Variants in CLEC11A observed in about 807,000 individuals in gnomAD.
The protein encoded by CLEC11A is C-type lectin domain containing 11A.
In CLEC11A, 35 loss-of-function variants were observed where a neutral mutation model predicts 33.9. The observed-to-expected ratio is 1.03, with a 90% confidence interval of 0.79 to 1.37. The LOEUF is 1.37. Ranked by LOEUF, CLEC11A falls within the 40% of genes most tolerant of loss-of-function variation. The probability of loss-of-function intolerance (pLI) is 0.00; values close to 1 mark genes in which losing one functional copy is unlikely to be tolerated. For missense variants in CLEC11A, 519 were observed against 455.5 expected (o/e 1.14, Z -1.27); for synonymous variants, 220 against 202.2 (o/e 1.09, Z -0.75).
Position 50,725,313 on chromosome 19 carries a change from G to GC in CLEC11A, c.819dup (p.Ala274ArgfsTer29). On this transcript the variant is annotated frameshift_variant, in exon 4 of 4. Coordinates refer to ENST00000250340, the MANE Select transcript of CLEC11A (RefSeq NM_002975.3). LOFTEE classifies it high-confidence loss of function. Reference sequence around the variant, plus strand: ...CATCGCTCACCCCGCCCCGAGCTCGGCGCCCAGCCCAGCGCCTCGCCGCAT... The same window carrying GC: ...CATCGCTCACCCCGCCCCGAGCTCGGCCGCCCAGCCCAGCGCCTCGCCGCAT... 3 of 1,611,314 alleles carry GC rather than the reference G, an allele frequency of 1.9e-6. No homozygotes were observed. The highest frequency in any genetic ancestry group is 2.5e-6 in the Non-Finnish European group (3 of 1,178,856).
Position 50,723,418 on chromosome 19 carries a change from G to T in CLEC11A, c.-108G>T. On this transcript the variant is annotated 5_prime_UTR_variant, in exon 1 of 4. Coordinates refer to ENST00000250340, the MANE Select transcript of CLEC11A (RefSeq NM_002975.3). This position sits in a 1 kb window ranked among gnomAD's most constrained non-coding sequence, Gnocchi z 4.1. ...AGCTGGGAGAATCGGGAACCTGGGG[G>T]CTAGTGACCTGCACACAGGGCAGGG... 1.8e-6 allele frequency: 2 copies of T among 1,119,316 alleles called. No individual in the cohort carries two copies. The highest frequency in any genetic ancestry group is 2.0e-5 in the Admixed American group (1 of 50,488). 69.3% of individuals were successfully genotyped at this position (1,119,316 alleles called of 1,614,324 possible).
At position 50,724,342 on chromosome 19, in the gene CLEC11A, T is replaced by A; in HGVS notation, c.335-68T>A. ...CCTCAGGAGCCCTAGATCCCAGTTC[T>A]CCAGGTCCTCAGGCCCCCCGCTGCA... is the stretch of plus-strand genomic sequence containing the variant. On this transcript the variant is annotated intron_variant, in intron 2 of 3. Coordinates refer to ENST00000250340, the MANE Select transcript of CLEC11A (RefSeq NM_002975.3). This position sits in a 1 kb window ranked among gnomAD's most constrained non-coding sequence, Gnocchi z 4.1. The A allele has an allele frequency of 8.0e-7, 1 of 1,243,102 alleles. No homozygotes were observed. Among genetic ancestry groups the A allele is most frequent in the Non-Finnish European group, 1.1e-6 (1 of 934,608 alleles). The allele number at this position is 1,243,102 out of a possible 1,614,324, so 77.0% of individuals were successfully genotyped here.
Position 50,724,486 on chromosome 19 carries a change from C to A in CLEC11A, c.411C>A (p.Val137=). The change falls in exon 3 of 4, where the codon GTC becomes GTA. Residue 137 remains valine, a synonymous_variant. Coordinates refer to ENST00000250340, the MANE Select transcript of CLEC11A (RefSeq NM_002975.3). The surrounding 1 kb of genome is among the most constrained non-coding windows in gnomAD (Gnocchi z 4.1). ...TGCACGCGTTGGACACCCGCGTGGT[C>A]GAGCTGACCCAGGGGCTGCGGCAGC... The part of the protein sequence containing the change: ...VRLHALDTRV[V]ELTQGLRQLR... 1 of 1,577,432 alleles carries A rather than the reference C, an allele frequency of 6.3e-7. No individual in the cohort carries two copies. Among genetic ancestry groups the A allele is most frequent in the South Asian group, 1.1e-5 (1 of 88,600 alleles).
In CLEC11A at chr19:50,723,721, G is replaced by A. The variant is rs111887545; in HGVS notation, c.147+49G>A. On this transcript the variant is annotated intron_variant, in intron 1 of 3. Coordinates refer to ENST00000250340, the MANE Select transcript of CLEC11A (RefSeq NM_002975.3). This position sits in a 1 kb window ranked among gnomAD's most constrained non-coding sequence, Gnocchi z 4.1. ...CTATGGGTGGTGAACTGTGGGTCTG[G>A]GAGGGGGTATTGCAAGGTTAGGGAA... 4.4e-4 allele frequency: 669 copies of A among 1,537,312 alleles called. No homozygotes were observed. Among genetic ancestry groups the A allele is most frequent in the Admixed American group, 1.2e-3 (57 of 49,024 alleles).
Position 50,724,726 on chromosome 19 carries a change from A to C in CLEC11A, c.526+125A>C. The C allele has an allele frequency of 1.7e-6, 2 of 1,202,500 alleles. No individual in the cohort carries two copies. Among genetic ancestry groups the C allele is most frequent in the Non-Finnish European group, 2.2e-6 (2 of 914,204 alleles). The allele number at this position is 1,202,500 out of a possible 1,614,324, so 74.5% of individuals were successfully genotyped here. ...CGGGAGAGCTGCTGTGTGCTAGCGG[A>C]CGGGGTTAGAGAGCTGGGAGGCTGA... On this transcript the variant is annotated intron_variant, in intron 3 of 3. Coordinates refer to ENST00000250340, the MANE Select transcript of CLEC11A (RefSeq NM_002975.3). The surrounding 1 kb of genome is among the most constrained non-coding windows in gnomAD (Gnocchi z 4.1).
In CLEC11A at chr19:50,725,139, C is replaced by T. The variant is rs2123226199; in HGVS notation, c.644C>T (p.Ala215Val). Residue 215 changes from alanine to valine, a missense_variant, in exon 4 of 4, where the codon GCA becomes GTA. Physicochemically the swap from Ala to Val is moderately conservative, Grantham distance 64. Transcript: ENST00000250340. Reference protein sequence around the residue: ...TARGGSLAQPADRQQMEALTR... With the variant: ...TARGGSLAQPVDRQQMEALTR... ...CGGGGCGGGAGCCTGGCGCAGCCGG[C>T]AGACCGCCAGCAGATGGAGGCGCTC... is the stretch of plus-strand genomic sequence containing the variant. 4 of 1,551,172 alleles carry T rather than the reference C, an allele frequency of 2.6e-6. No homozygotes were observed. The highest frequency in any genetic ancestry group is 3.5e-6 in the Non-Finnish European group (4 of 1,149,544).
chr19:50,724,395 C>T lies in CLEC11A; in HGVS notation c.335-15C>T, dbSNP rs1488649919. 1 of 1,492,204 alleles carries T rather than the reference C, an allele frequency of 6.7e-7. No homozygotes were observed. Among genetic ancestry groups the T allele is most frequent in the African/African-American group, 1.4e-5 (1 of 70,728 alleles). The allele number at this position is 1,492,204 out of a possible 1,614,324, so 92.4% of individuals were successfully genotyped here. On this transcript the variant is annotated splice_polypyrimidine_tract_variant and intron_variant, in intron 2 of 3. Transcript: ENST00000250340. This position sits in a 1 kb window ranked among gnomAD's most constrained non-coding sequence, Gnocchi z 4.1. The stretch of plus-strand genomic sequence containing the variant: ...TCCAGGCTCCCCCTCCAGCATGATC[C>T]CTGTCTGTCCGCAGTGGGCCGCCTG...
Position 50,724,859 on chromosome 19 carries a change from ACT to A in CLEC11A, c.527-159_527-158del. On this transcript the variant is annotated intron_variant, in intron 3 of 3. Coordinates refer to ENST00000250340, the MANE Select transcript of CLEC11A (RefSeq NM_002975.3). This position sits in a 1 kb window ranked among gnomAD's most constrained non-coding sequence, Gnocchi z 4.1. Reference sequence around the variant, plus strand: ...CCTGGCCCCGCCCCTGGCGGACCAGACTCTCCACCTCCTGGCTCCCGCGGTTC... The same window carrying A: ...CCTGGCCCCGCCCCTGGCGGACCAGACTCCACCTCCTGGCTCCCGCGGTTC... The A allele has an allele frequency of 7.2e-7, 1 of 1,393,970 alleles. No homozygotes were observed. 86.4% of individuals were successfully genotyped at this position (1,393,970 alleles called of 1,614,324 possible). A position where few individuals can be genotyped will look rare whatever the true frequency, so the allele number is the denominator to read the frequency against.
Position 50,723,867 on chromosome 19 carries a change from G to T in CLEC11A, c.148-38G>T. ...GGAAAGGGGTGAATGGGGCATCTTGGTGGCAGGCTGGGGCTCACCACCCCT... is the reference window on the plus strand; with the variant it reads ...GGAAAGGGGTGAATGGGGCATCTTGTTGGCAGGCTGGGGCTCACCACCCCT... On this transcript the variant is annotated intron_variant, in intron 1 of 3. Coordinates refer to ENST00000250340, the MANE Select transcript of CLEC11A (RefSeq NM_002975.3). The surrounding 1 kb of genome is among the most constrained non-coding windows in gnomAD (Gnocchi z 4.1). The T allele has an allele frequency of 6.3e-7, 1 of 1,584,534 alleles. No individual in the cohort carries two copies. The highest frequency in any genetic ancestry group is 8.6e-7 in the Non-Finnish European group (1 of 1,166,648).
In CLEC11A at chr19:50,723,660, C is replaced by T; in HGVS notation, c.135C>T (p.Ala45=). ...AGGAGGAGGAGCGGGAGAGGGAGGC[C>T]CTGATGCTGAAGGTGAGCTCTGGAG... ...GAQEEERERE[A]LMLKHLQEAL... Residue 45 remains alanine (A), a synonymous_variant, in exon 1 of 4, where the codon GCC becomes GCT. Transcript: ENST00000250340. The surrounding 1 kb of genome is among the most constrained non-coding windows in gnomAD (Gnocchi z 4.1). 2 of 1,587,546 alleles carry T rather than the reference C, an allele frequency of 1.3e-6. No homozygotes were observed. The highest frequency in any genetic ancestry group is 2.3e-5 in the South Asian group (2 of 85,792).
At position 50,724,966 on chromosome 19, in the gene CLEC11A, CT is replaced by C; in HGVS notation, c.527-54del. ...CCCCCGGATGTTTTGTCCTCGCCCC[CT>C]TCCAGACTCTGAATGCATGACCCCG... On this transcript the variant is annotated intron_variant, in intron 3 of 3. Transcript: ENST00000250340. The surrounding 1 kb of genome is among the most constrained non-coding windows in gnomAD (Gnocchi z 4.1). The C allele has an allele frequency of 7.0e-7, 1 of 1,430,748 alleles. No homozygotes were observed. Among genetic ancestry groups the C allele is most frequent in the South Asian group, 1.5e-5 (1 of 65,660 alleles). The allele number at this position is 1,430,748 out of a possible 1,614,324, so 88.6% of individuals were successfully genotyped here. A position where few individuals can be genotyped will look rare whatever the true frequency, so the allele number is the denominator to read the frequency against.
chr19:50,723,519 CAGCT>C lies in CLEC11A; in HGVS notation c.-6_-3del. 6.2e-7 allele frequency: 1 copy of C among 1,612,106 alleles called. No individual in the cohort carries two copies. Among genetic ancestry groups the C allele is most frequent in the South Asian group, 1.1e-5 (1 of 90,986 alleles). Reference sequence around the variant, plus strand: ...TCTGGAACTTTGGGTGCCAAGAGTCCAGCTTAATGCAGGCAGCCTGGCTTTTGGG... The same window carrying C: ...TCTGGAACTTTGGGTGCCAAGAGTCCTAATGCAGGCAGCCTGGCTTTTGGG... On this transcript the variant is annotated 5_prime_UTR_variant, in exon 1 of 4. Transcript: ENST00000250340. The surrounding 1 kb of genome is among the most constrained non-coding windows in gnomAD (Gnocchi z 4.1).
In CLEC11A at chr19:50,725,351, G is replaced by A. The variant is rs1439330886; in HGVS notation, c.856G>A (p.Asp286Asn). The change falls in exon 4 of 4, where the codon GAC becomes AAC. Residue 286 changes from aspartate to asparagine, a missense_variant. Asp to Asn is a conservative substitution (Grantham distance 23). Coordinates refer to ENST00000250340, the MANE Select transcript of CLEC11A (RefSeq NM_002975.3). ...PSASPHPLSP[D>N]QPNGGTLENC... ...CGCCTCGCCGCATCCGCTCAGCCCG[G>A]ACCAGCCCAACGGTGGCACGCTCGA... is the stretch of plus-strand genomic sequence containing the variant. 1 of 1,612,152 alleles carries A rather than the reference G, an allele frequency of 6.2e-7. No homozygotes were observed. Among genetic ancestry groups the A allele is most frequent in the African/African-American group, 1.3e-5 (1 of 74,922 alleles).
chr19:50,725,045 G>C lies in CLEC11A; in HGVS notation c.550G>C (p.Gly184Arg), dbSNP rs551690322. Reference sequence around the variant, plus strand: ...AGGCTGCCTGAAGGGGCTGCGCCTGGGCCACAAGTGCTTCCTGCTCTCGCG... The same window carrying C: ...AGGCTGCCTGAAGGGGCTGCGCCTGCGCCACAAGTGCTTCCTGCTCTCGCG... The part of the protein sequence containing the change: ...LEGCLKGLRL[G>R]HKCFLLSRDF... The change falls in exon 4 of 4, where the codon GGC becomes CGC. Residue 184 changes from glycine to arginine, a missense_variant. Transcript: ENST00000250340. 2 of 1,508,470 alleles carry C rather than the reference G, an allele frequency of 1.3e-6. No homozygotes were observed. The highest frequency in any genetic ancestry group is 1.8e-6 in the Non-Finnish European group (2 of 1,131,198). 93.4% of individuals were successfully genotyped at this position (1,508,470 alleles called of 1,614,324 possible). A position where few individuals can be genotyped will look rare whatever the true frequency, so the allele number is the denominator to read the frequency against.
chr19:50,724,978 G>A lies in CLEC11A; in HGVS notation c.527-44G>A, dbSNP rs1305753639. 6 of 1,429,166 alleles carry A rather than the reference G, an allele frequency of 4.2e-6. 1 individual carries two copies. The highest frequency in any genetic ancestry group is 3.1e-5 in the Admixed American group (1 of 31,840). The allele number at this position is 1,429,166 out of a possible 1,614,324, so 88.5% of individuals were successfully genotyped here. A position where few individuals can be genotyped will look rare whatever the true frequency, so the allele number is the denominator to read the frequency against. ...TTGTCCTCGCCCCCTTCCAGACTCTGAATGCATGACCCCGCCTCCTTCTCT... is the reference window on the plus strand; with the variant it reads ...TTGTCCTCGCCCCCTTCCAGACTCTAAATGCATGACCCCGCCTCCTTCTCT... On this transcript the variant is annotated intron_variant, in intron 3 of 3. Coordinates refer to ENST00000250340, the MANE Select transcript of CLEC11A (RefSeq NM_002975.3). The surrounding 1 kb of genome is among the most constrained non-coding windows in gnomAD (Gnocchi z 4.1).
In CLEC11A at chr19:50,723,803, A is replaced by C; in HGVS notation, c.148-102A>C. The C allele has an allele frequency of 6.5e-7, 1 of 1,533,128 alleles. No homozygotes were observed. The highest frequency in any genetic ancestry group is 8.8e-7 in the Non-Finnish European group (1 of 1,140,902). The allele number at this position is 1,533,128 out of a possible 1,614,324, so 95.0% of individuals were successfully genotyped here. A position where few individuals can be genotyped will look rare whatever the true frequency, so the allele number is the denominator to read the frequency against. ...AGAGGAGTGGGAGGGTGATGGGCTC[A>C]GAGACAGGACTCAGGCAGCAGAGAA... On this transcript the variant is annotated intron_variant, in intron 1 of 3. Transcript: ENST00000250340. The surrounding 1 kb of genome is among the most constrained non-coding windows in gnomAD (Gnocchi z 4.1).
Position 50,724,538 on chromosome 19 carries a change from G to T in CLEC11A, c.463G>T (p.Asp155Tyr), listed in dbSNP as rs763608200. 2 of 1,534,362 alleles carry T rather than the reference G, an allele frequency of 1.3e-6. No homozygotes were observed. The highest frequency in any genetic ancestry group is 1.7e-6 in the Non-Finnish European group (2 of 1,146,922). ...GCGGAACGCGGCAGGCGACACCCGC[G>T]ATGCCGTGCAAGCCCTGCAGGAGGC... ...QLRNAAGDTR[D>Y]AVQALQEAQG... is the part of the protein sequence containing the mutation. The change falls in exon 3 of 4, where the codon GAT (aspartate) becomes TAT (tyrosine). Residue 155 changes from aspartate (D) to tyrosine (Y), a missense_variant. By Grantham distance (160) the Asp-to-Tyr change is radical (BLOSUM62 -3). Coordinates refer to ENST00000250340, the MANE Select transcript of CLEC11A (RefSeq NM_002975.3). The surrounding 1 kb of genome is among the most constrained non-coding windows in gnomAD (Gnocchi z 4.1).
rs770452333 is a variant in CLEC11A at position 50,723,479 on chromosome 19, C to T, written c.-47C>T. 6 of 1,609,260 alleles carry T rather than the reference C, an allele frequency of 3.7e-6. No homozygotes were observed. The East Asian group carries it at 1.1e-4, about 30-fold the overall frequency. ...GTTCCCAGAGGCCACCCCTCCCACC[C>T]CAGACATCCAGACATCTGGAACTTT... On this transcript the variant is annotated 5_prime_UTR_variant, in exon 1 of 4. Coordinates refer to ENST00000250340, the MANE Select transcript of CLEC11A (RefSeq NM_002975.3). This position sits in a 1 kb window ranked among gnomAD's most constrained non-coding sequence, Gnocchi z 4.1.
Position 50,724,936 on chromosome 19 carries a change from C to T in CLEC11A, c.527-86C>T, listed in dbSNP as rs1217930712. 1.4e-6 allele frequency: 2 copies of T among 1,413,264 alleles called. No individual in the cohort carries two copies. The highest frequency in any genetic ancestry group is 1.8e-6 in the Non-Finnish European group (2 of 1,086,150). 87.5% of individuals were successfully genotyped at this position (1,413,264 alleles called of 1,614,324 possible). A position where few individuals can be genotyped will look rare whatever the true frequency, so the allele number is the denominator to read the frequency against. On this transcript the variant is annotated intron_variant, in intron 3 of 3. Transcript: ENST00000250340. The surrounding 1 kb of genome is among the most constrained non-coding windows in gnomAD (Gnocchi z 4.1). The stretch of plus-strand genomic sequence containing the variant: ...CCCATGAGTTCCTGGCCCCGCCTCC[C>T]TCCACCCCCGGATGTTTTGTCCTCG...
Sources: allele counts gnomAD v4.1 joint callset, GRCh38; gene constraint gnomAD v4.1.1; non-coding constraint Gnocchi (gnomAD v3.1); transcripts MANE v1.5; gene names NCBI Gene and HGNC (gene_info 2026-07-23, HGNC 2026-07-21).